The following SLC6A11 variants were observed in gnomAD, a reference collection of about 807,000 sequenced individuals.
SLC6A11 encodes solute carrier family 6 member 11, also known as sodium- and chloride-dependent GABA transporter 3.
In SLC6A11, 25 loss-of-function variants were observed where a neutral mutation model predicts 74.8. That is an observed-to-expected ratio of 0.33 (90% CI 0.24 to 0.47). The LOEUF (loss-of-function observed/expected upper bound fraction) is 0.47. Ranked by LOEUF, SLC6A11 falls within the 20% of genes least tolerant of loss-of-function variation. The pLI is 1.00. For missense variants in SLC6A11, 574 were observed against 837.0 expected (o/e 0.69, Z 3.88); for synonymous variants, 330 against 330.2 (o/e 1.00, Z 0.01).
chr3:10,893,184 C>A (rs907118448), intron 6 of SLC6A11, among the ~76,000 whole-genome samples: 1 of 152,130 alleles, frequency 6.6e-6, no homozygotes, highest in African/African-American at 2.4e-5. Flanking sequence ...CTAAGAAAGA[C>A]AGATGAGGAA....
chr3:10,923,557 C>A (rs893724193), intron 8 of SLC6A11, among the ~76,000 whole-genome samples: 1 of 152,008 alleles, frequency 6.6e-6, no homozygotes, highest in Non-Finnish European at 1.5e-5. Flanking sequence ...GACAGCTATT[C>A]CTTGGAGAAG....
intron 8 of SLC6A11, among the ~76,000 whole-genome samples, chr3:10,921,536 A>G (rs1422936331): frequency 1.3e-5 from 2 of 152,264 alleles, no homozygotes; most frequent in Non-Finnish European, 2.9e-5. Flanking sequence ...AACCCAAAAG[A>G]ATGCGGGAAA....
At position 10,819,523 on chromosome 3, in the gene SLC6A11, C is replaced by A; in HGVS notation, c.315C>A (p.Phe105Leu). ...FFICCGIPVF[F>L]LETALGQFTS... ...TTTGCTGTGGAATTCCTGTTTTTTTCCTGGAGACAGCTCTGGGGCAGTTCA... is the reference window on the plus strand; with the variant it reads ...TTTGCTGTGGAATTCCTGTTTTTTTACTGGAGACAGCTCTGGGGCAGTTCA... The change falls in exon 2 of 14, where the codon TTC (phenylalanine) becomes TTA (leucine). Residue 105 changes from phenylalanine (F) to leucine (L), a missense_variant. Phe to Leu is a conservative substitution (Grantham distance 22). Coordinates refer to ENST00000254488, the MANE Select transcript of SLC6A11 (RefSeq NM_014229.3). The A allele has an allele frequency of 1.2e-6, 2 of 1,612,952 alleles. No homozygotes were observed. Among genetic ancestry groups the A allele is most frequent in the Non-Finnish European group, 8.5e-7 (1 of 1,179,662 alleles).
intron 5 of SLC6A11, among the ~76,000 whole-genome samples, chr3:10,855,696 C>G: frequency 9.8e-6 from 1 of 101,832 alleles, no homozygotes; most frequent in East Asian, 3.7e-4. Flanking sequence ...GACTAGTAAA[C>G]AGACAGTTAC....
chr3:10,835,551 T>C (rs1694355956), intron 4 of SLC6A11, among the ~76,000 whole-genome samples: 1 of 152,102 alleles, frequency 6.6e-6, no homozygotes, highest in African/African-American at 2.4e-5. Flanking sequence ...GTCCCCACTT[T>C]TAGATTCACT....
At chr3:10,933,065 G>A in intron 10 of SLC6A11, 86 bp from the exon 11 acceptor site, 1 of 891,638 alleles carries the variant, frequency 1.1e-6, no homozygotes, top group Non-Finnish European at 1.9e-6. Flanking sequence ...AGCAGAGAGA[G>A]GGACCTTCCT....
At chr3:10,865,468 C>CCTGGCT (rs1479437684) in intron 5 of SLC6A11, among the ~76,000 whole-genome samples, 1 of 152,190 alleles carries the variant, frequency 6.6e-6, no homozygotes, top group Non-Finnish European at 1.5e-5. Flanking sequence ...TCGAGACCAT[C>CCTGGCT]CTGGCTAACA....
At chr3:10,864,406 C>G (rs750805097) in intron 5 of SLC6A11, among the ~76,000 whole-genome samples, 3 of 151,766 alleles carry the variant, frequency 2.0e-5, no homozygotes, top group Admixed American at 2.0e-4. Context: ...AGTAACTGCG[C>G]GTGAGCCCCT....
chr3:10,869,346 T>C (rs770430652), intron 5 of SLC6A11, among the ~76,000 whole-genome samples: 1 of 152,206 alleles, frequency 6.6e-6, no homozygotes, highest in Non-Finnish European at 1.5e-5. Flanking sequence ...AGAGGGTGGC[T>C]TCTGTAGCGA....
At chr3:10,890,997 C>G (rs989474051) in intron 6 of SLC6A11, among the ~76,000 whole-genome samples, 11 of 152,206 alleles carry the variant, frequency 7.2e-5, no homozygotes, top group Non-Finnish European at 1.6e-4. Context: ...TTTCTAACTT[C>G]TGGCTCACTA....
intron 6 of SLC6A11, among the ~76,000 whole-genome samples, chr3:10,894,532 C>A (rs1227041155): frequency 6.6e-6 from 1 of 152,146 alleles, no homozygotes; most frequent in Non-Finnish European, 1.5e-5. Context: ...AGCAGCCAGG[C>A]AATGCACAGA....
At chr3:10,891,231 T>A (rs2106615404) in intron 6 of SLC6A11, among the ~76,000 whole-genome samples, 1 of 152,360 alleles carries the variant, frequency 6.6e-6, no homozygotes, top group East Asian at 1.9e-4. Context: ...ATTTTCTATC[T>A]TCCTTAAAAT....
chr3:10,875,134 C>A (rs1419994123), intron 6 of SLC6A11, 39 bp downstream of exon 6: 3 of 1,537,888 alleles, frequency 2.0e-6, no homozygotes, highest in Middle Eastern at 1.8e-4. Flanking sequence ...TCACCCACCA[C>A]CACTGGGAAG....
chr3:10,816,943 C>G lies in SLC6A11; in HGVS notation c.256+422C>G, dbSNP rs1056330176. ...AGTTTTTGCGCGCTTACTGAAGTGC[C>G]GAGCACCTTTGACCATATCATCTCA... On this transcript the variant is annotated intron_variant, in intron 1 of 13. Transcript: ENST00000254488. This position sits in a 1 kb window ranked among gnomAD's most constrained non-coding sequence, Gnocchi z 4.2. Among the ~76,000 whole-genome samples, 3 of 152,206 alleles carry G rather than the reference C, an allele frequency of 2.0e-5. No homozygotes were observed. Among genetic ancestry groups the G allele is most frequent in the Admixed American group, 1.3e-4 (2 of 15,278 alleles).
At chr3:10,884,350 C>A (rs1695017657) in intron 6 of SLC6A11, among the ~76,000 whole-genome samples, 1 of 152,116 alleles carries the variant, frequency 6.6e-6, no homozygotes, top group South Asian at 2.1e-4. Context: ...ATCCAATCAG[C>A]AAATAGTTGA....
chr3:10,859,888 G>A lies in SLC6A11; in HGVS notation c.757-15073G>A, dbSNP rs149430753. Among the ~76,000 whole-genome samples, 30 of 152,234 alleles carry A rather than the reference G, an allele frequency of 2.0e-4. No homozygotes were observed. In the East Asian group the frequency reaches 5.0e-3, roughly 25 times the overall value. On this transcript the variant is annotated intron_variant, in intron 5 of 13. Transcript: ENST00000254488. ...CTTTAACATTATTCCTGTGTGACAC[G>A]TGGAATAGTCACACCAGACTCTACT... is the stretch of plus-strand genomic sequence containing the variant.
At chr3:10,850,876 A>G (rs1445174565) in intron 5 of SLC6A11, among the ~76,000 whole-genome samples, 1 of 152,144 alleles carries the variant, frequency 6.6e-6, no homozygotes, top group African/African-American at 2.4e-5. Context: ...CCCTGTTAGC[A>G]TAGGACCAGG....
chr3:10,847,878 C>G (rs1272988535), intron 5 of SLC6A11, among the ~76,000 whole-genome samples: 1 of 152,160 alleles, frequency 6.6e-6, no homozygotes, highest in Non-Finnish European at 1.5e-5. Context: ...AAACTTCCCA[C>G]GTGGGCAGAG....
chr3:10,895,594 G>C (rs545376985), intron 6 of SLC6A11, among the ~76,000 whole-genome samples: 1 of 152,318 alleles, frequency 6.6e-6, no homozygotes, highest in Non-Finnish European at 1.5e-5. Context: ...ACTGGGGCCT[G>C]TTGGGGGGAT....
Sources: allele counts gnomAD v4.1 joint callset (sites outside exome capture counted in the v4.1 genomes callset), GRCh38; gene constraint gnomAD v4.1.1; non-coding constraint Gnocchi (gnomAD v3.1); transcripts MANE v1.5; gene names NCBI Gene and HGNC (gene_info 2026-07-23, HGNC 2026-07-21).